The following NR2F1-AS1 variants were observed in gnomAD, a reference collection of about 807,000 sequenced individuals.
The protein encoded by NR2F1-AS1 is NR2F1 regulatory antisense RNA 1.
intron 4 of NR2F1-AS1, among the ~76,000 whole-genome samples, chr5:93,469,038 G>C (rs1407012454): frequency 1.3e-5 from 2 of 152,098 alleles, no homozygotes; most frequent in African/African-American, 2.4e-5. Flanking sequence ...TAACCCAAAG[G>C]AATGCTTAAC....
chr5:93,483,482 A>T (rs1033230887), intron 4 of NR2F1-AS1, among the ~76,000 whole-genome samples: 1 of 152,216 alleles, frequency 6.6e-6, no homozygotes, highest in Admixed American at 6.5e-5. Flanking sequence ...TAAATTCATG[A>T]AGATAAGGAA....
intron 1 of NR2F1-AS1, chr5:93,571,212 C>G (rs1267028846): frequency 3.9e-5 from 6 of 152,164 alleles, no homozygotes; most frequent in African/African-American, 1.4e-4. Context: ...TCGGGCACTC[C>G]CAGCGGGGGA....
intron 4 of NR2F1-AS1, among the ~76,000 whole-genome samples, chr5:93,461,604 T>A (rs1481832632): frequency 2.0e-5 from 3 of 152,192 alleles, no homozygotes; most frequent in Non-Finnish European, 2.9e-5. Context: ...CATCTGATGT[T>A]GTAGAGTGAG....
At chr5:93,521,089 G>T (rs57818471) in intron 4 of NR2F1-AS1, among the ~76,000 whole-genome samples, 1 of 152,026 alleles carries the variant, frequency 6.6e-6, no homozygotes. Flanking sequence ...TCTGATATTC[G>T]ACAAAGCTGA....
chr5:93,561,480 T>C (rs1159686853), intron 2 of NR2F1-AS1, among the ~76,000 whole-genome samples: 1 of 151,832 alleles, frequency 6.6e-6, no homozygotes, highest in Non-Finnish European at 1.5e-5. Flanking sequence ...TTTTTAATAT[T>C]TATGAAAACA....
chr5:93,535,751 T>C (rs1247961457), intron 4 of NR2F1-AS1, among the ~76,000 whole-genome samples: 1 of 152,106 alleles, frequency 6.6e-6, no homozygotes, highest in African/African-American at 2.4e-5. Context: ...ATCTTTTCAA[T>C]AGATGCAGAA....
chr5:93,484,778 CAA>C (rs61083284), intron 4 of NR2F1-AS1, among the ~76,000 whole-genome samples: 13,871 of 84,194 alleles, frequency 0.16, 667 homozygotes, highest in Middle Eastern at 0.28. Context: ...AAATGGAAAG[CAA>C]AAAAAAAAAA....
At chr5:93,512,524 T>C (rs1324802659) in intron 4 of NR2F1-AS1, among the ~76,000 whole-genome samples, 1 of 152,204 alleles carries the variant, frequency 6.6e-6, no homozygotes, top group Non-Finnish European at 1.5e-5. Context: ...AAATTTAGTA[T>C]AGCCTAAGTG....
At position 93,579,649 on chromosome 5, in the gene NR2F1-AS1, C is replaced by T. The variant is rs1489480153; in HGVS notation, n.313+818G>A. Among the ~76,000 whole-genome samples the T allele has an allele frequency of 6.6e-6, 1 of 151,938 alleles. No homozygotes were observed. The highest frequency in any genetic ancestry group is 1.5e-5 in the Non-Finnish European group (1 of 67,938). On this transcript the variant is annotated intron_variant and non_coding_transcript_variant, in intron 1 of 5. Coordinates refer to ENST00000660523, the Ensembl canonical transcript of NR2F1-AS1. This position sits in a 1 kb window ranked among gnomAD's most constrained non-coding sequence, Gnocchi z 5.1. ...GCTGCCCCCGCCCCCCGCGCGCCCT[C>T]TGACGCAAACGCACGCCCCTGCCCC...
chr5:93,554,152 T>C (rs1752296352), intron 3 of NR2F1-AS1, among the ~76,000 whole-genome samples: 1 of 152,210 alleles, frequency 6.6e-6, no homozygotes, highest in Non-Finnish European at 1.5e-5. Context: ...AGATTGTTTC[T>C]GACTTGCAAA....
intron 1 of NR2F1-AS1, among the ~76,000 whole-genome samples, chr5:93,576,621 G>A (rs148440191): frequency 2.1e-3 from 322 of 152,176 alleles, no homozygotes; most frequent in Middle Eastern, 3.4e-3. Flanking sequence ...GGCTTTTTGA[G>A]CCAATACTTT....
At chr5:93,534,261 A>G (rs1751794623) in intron 4 of NR2F1-AS1, among the ~76,000 whole-genome samples, 1 of 152,222 alleles carries the variant, frequency 6.6e-6, no homozygotes. Context: ...TTACAGATGA[A>G]AAAAGTAAAG....
intron 4 of NR2F1-AS1, among the ~76,000 whole-genome samples, chr5:93,431,602 C>T (rs938917529): frequency 6.6e-6 from 1 of 152,154 alleles, no homozygotes; most frequent in Non-Finnish European, 1.5e-5. Flanking sequence ...GCAAATGCAA[C>T]CCATATTTTC....
intron 4 of NR2F1-AS1, among the ~76,000 whole-genome samples, chr5:93,537,371 T>C (rs1226950559): frequency 1.3e-5 from 2 of 152,058 alleles, no homozygotes; most frequent in Non-Finnish European, 2.9e-5. Context: ...GAAACAAATA[T>C]TCTCCTATTC....
At chr5:93,470,421 T>G (rs1750342114) in intron 4 of NR2F1-AS1, among the ~76,000 whole-genome samples, 3 of 151,888 alleles carry the variant, frequency 2.0e-5, no homozygotes, top group African/African-American at 7.2e-5. Flanking sequence ...AAAGACCCAT[T>G]GCACAGGACC....
At chr5:93,491,406 T>G (rs1750847498) in intron 4 of NR2F1-AS1, among the ~76,000 whole-genome samples, 1 of 151,902 alleles carries the variant, frequency 6.6e-6, no homozygotes, top group South Asian at 2.1e-4. Context: ...GTGATGGCCG[T>G]GGTCCTAGCT....
At chr5:93,418,678 T>C (rs1026213109) in intron 4 of NR2F1-AS1, among the ~76,000 whole-genome samples, 2 of 152,178 alleles carry the variant, frequency 1.3e-5, no homozygotes. Flanking sequence ...CTCCCATAAT[T>C]TGCTGACCCC....
intron 1 of NR2F1-AS1, chr5:93,563,539 G>C (rs1580337180): frequency 6.6e-6 from 1 of 152,242 alleles, no homozygotes; most frequent in African/African-American, 2.4e-5. Context: ...TTTTCTATTA[G>C]ACAAAGAGTT....
chr5:93,491,880 G>A (rs886444681), intron 4 of NR2F1-AS1, among the ~76,000 whole-genome samples: 11 of 152,114 alleles, frequency 7.2e-5, no homozygotes, highest in African/African-American at 2.4e-4. Flanking sequence ...ATTGTACCAC[G>A]GGCTTTCTTC....
Sources: gnomAD v4.1 joint callset for allele counts (sites outside exome capture counted in the v4.1 genomes callset) on GRCh38, gnomAD v4.1.1 for gene constraint, Gnocchi (gnomAD v3.1) non-coding constraint, MANE v1.5 for transcripts, NCBI Gene and HGNC (gene_info 2026-07-23, HGNC 2026-07-21) for gene names.